The following LPAR1 variants were observed in gnomAD, a reference collection of about 807,000 sequenced individuals.
The protein encoded by LPAR1 is lysophosphatidic acid receptor 1.
Under a neutral mutation model 23.8 loss-of-function variants are expected in LPAR1, and 5 were observed. That is an observed-to-expected ratio of 0.21 (90% CI 0.11 to 0.44). LPAR1 has a LOEUF of 0.44. Among genes scored for constraint, LPAR1 ranks in the 20% least tolerant of loss-of-function variants. The pLI, the probability that LPAR1 is intolerant of heterozygous loss-of-function variation, is 0.99. For synonymous variants in LPAR1, 160 were observed against 164.7 expected, an observed-to-expected ratio of 0.97 and a Z score of 0.22; for missense variants, 311 against 482.8, an observed-to-expected ratio of 0.64 and a Z score of 3.33.
rs2078824757 is a variant in LPAR1, at chr9:110,875,352, G to A, written c.*69C>T. On this transcript the variant is annotated 3_prime_UTR_variant, in exon 6 of 6. Coordinates refer to ENST00000683809, the MANE Select transcript of LPAR1 (RefSeq NM_001351411.2). Reference sequence around the variant, plus strand: ...CTCTCTCACACCCCACCTTGCCCTGGCAATTGGGTAGGGGGAGGCTGTTTA... The same window carrying A: ...CTCTCTCACACCCCACCTTGCCCTGACAATTGGGTAGGGGGAGGCTGTTTA... 1.5e-6 allele frequency: 2 copies of A among 1,373,448 alleles called. No individual in the cohort carries two copies. The highest frequency in any genetic ancestry group is 2.0e-6 in the Non-Finnish European group (2 of 1,018,018). The allele number at this position is 1,373,448 out of a possible 1,614,324, so 85.1% of individuals were successfully genotyped here. A position where few individuals can be genotyped will look rare whatever the true frequency, so the allele number is the denominator to read the frequency against.
chr9:110,977,889 AAGGAAGGAAGGAAG>A (rs1472379251), intron 2 of LPAR1, among the ~76,000 whole-genome samples: 9 of 150,478 alleles, frequency 6.0e-5, no homozygotes, highest in Non-Finnish European at 1.2e-4. Flanking sequence ...GGAAGGAAGG[AAGGAAGGAAGGAAG>A]GAAGGAAAGA....
intron 2 of LPAR1, among the ~76,000 whole-genome samples, chr9:111,020,003 A>C (rs2097533127): frequency 6.6e-6 from 1 of 152,150 alleles, no homozygotes; most frequent in African/African-American, 2.4e-5. Flanking sequence ...GTTTGCTCAC[A>C]CAGCCTTTCC....
chr9:111,006,585 A>G (rs2097221631), intron 2 of LPAR1, among the ~76,000 whole-genome samples: 1 of 152,126 alleles, frequency 6.6e-6, no homozygotes, highest in Non-Finnish European at 1.5e-5. Flanking sequence ...AAAAATCCCA[A>G]ATAATTTGGG....
At chr9:110,930,556 A>G (rs2094342131) in intron 5 of LPAR1, among the ~76,000 whole-genome samples, 1 of 152,114 alleles carries the variant, frequency 6.6e-6, no homozygotes, top group Non-Finnish European at 1.5e-5. Context: ...CTTTCCTTAT[A>G]GGTCAGTAAC....
chr9:110,958,224 AC>A (rs1243405537), intron 4 of LPAR1, among the ~76,000 whole-genome samples: 1 of 152,204 alleles, frequency 6.6e-6, no homozygotes, highest in Non-Finnish European at 1.5e-5. Flanking sequence ...AATAGAAAAA[AC>A]AATCCCAAAA....
chr9:110,984,375 A>G (rs2139198548), intron 2 of LPAR1, among the ~76,000 whole-genome samples: 1 of 152,152 alleles, frequency 6.6e-6, no homozygotes, highest in Admixed American at 6.6e-5. Flanking sequence ...AGTGACCTCC[A>G]GTTCCATCCA....
Position 110,942,017 on chromosome 9 carries a change from G to A in LPAR1, c.197C>T (p.Ala66Val). ...GATTGCCACCATGACCAATAGGTTG[G>A]CCAACATGATGAAGATACAAACAGT... is the stretch of plus-strand genomic sequence containing the variant. ...GITVCIFIML[A>V]NLLVMVAIYV... is the part of the protein sequence containing the mutation. The change falls in exon 5 of 6, where the codon GCC becomes GTC. Residue 66 changes from alanine to valine, a missense_variant. Physicochemically the swap from Ala to Val is moderately conservative, Grantham distance 64 (BLOSUM62 0). Coordinates refer to ENST00000683809, the MANE Select transcript of LPAR1 (RefSeq NM_001351411.2). 6.2e-7 allele frequency: 1 copy of A among 1,614,172 alleles called. No homozygotes were observed. The highest frequency in any genetic ancestry group is 2.2e-5 in the East Asian group (1 of 44,876).
At chr9:110,882,840 C>T (rs181485280) in intron 5 of LPAR1, among the ~76,000 whole-genome samples, 2 of 152,184 alleles carry the variant, frequency 1.3e-5, no homozygotes, top group East Asian at 1.9e-4. Flanking sequence ...TAGATGATTG[C>T]CGTATTACTT....
At chr9:110,904,621 T>C (rs1461490966) in intron 5 of LPAR1, among the ~76,000 whole-genome samples, 1 of 152,240 alleles carries the variant, frequency 6.6e-6, no homozygotes, top group East Asian at 1.9e-4. Flanking sequence ...GACTAGGAGC[T>C]ACCTCATTCT....
intron 2 of LPAR1, among the ~76,000 whole-genome samples, chr9:110,979,474 T>C (rs772114348): frequency 6.6e-5 from 10 of 152,234 alleles, no homozygotes; most frequent in Admixed American, 1.3e-4. Context: ...CATAACTGTG[T>C]AGACTGTAAG....
At chr9:110,933,399 T>C (rs1443117923) in intron 5 of LPAR1, among the ~76,000 whole-genome samples, 1 of 152,172 alleles carries the variant, frequency 6.6e-6, no homozygotes, top group Non-Finnish European at 1.5e-5. Flanking sequence ...CTTGCTACCA[T>C]TAAGTGTCTT....
chr9:110,975,363 T>C (rs1335429213), intron 2 of LPAR1, among the ~76,000 whole-genome samples: 1 of 152,210 alleles, frequency 6.6e-6, no homozygotes, highest in African/African-American at 2.4e-5. Flanking sequence ...GAAAGGCCAC[T>C]GGATGCTGAG....
At chr9:111,003,137 T>C (rs541091460) in intron 2 of LPAR1, among the ~76,000 whole-genome samples, 6 of 152,346 alleles carry the variant, frequency 3.9e-5, no homozygotes, top group South Asian at 2.1e-4. Context: ...AGTTTTATTA[T>C]GATAGTTTGT....
chr9:110,880,206 G>A (rs2080351722), intron 5 of LPAR1, among the ~76,000 whole-genome samples: 1 of 152,150 alleles, frequency 6.6e-6, no homozygotes, highest in South Asian at 2.1e-4. Flanking sequence ...CCTCCCTGAT[G>A]CATCTGTCAA....
chr9:110,893,612 GA>G lies in LPAR1; in HGVS notation c.794-17891del, dbSNP rs1220959042. 9.2e-5 allele frequency among the ~76,000 whole-genome samples: 14 copies of G among 152,294 alleles called. No individual in the cohort carries two copies. The East Asian group carries it at 2.7e-3, about 29-fold the overall frequency. The stretch of plus-strand genomic sequence containing the variant: ...AACCAGAGGCAGTTGCATGGACTTT[GA>G]ATTTTAATGTAAACATTGTTTTTGT... On this transcript the variant is annotated intron_variant, in intron 5 of 5. Coordinates refer to ENST00000683809, the MANE Select transcript of LPAR1 (RefSeq NM_001351411.2).
At chr9:110,895,895 G>A (rs2086171459) in intron 5 of LPAR1, among the ~76,000 whole-genome samples, 1 of 152,182 alleles carries the variant, frequency 6.6e-6, no homozygotes, top group African/African-American at 2.4e-5. Flanking sequence ...CGTGAAGAAT[G>A]GAAAGACAGC....
intron 5 of LPAR1, among the ~76,000 whole-genome samples, chr9:110,882,209 A>G (rs755794755): frequency 6.6e-6 from 1 of 152,132 alleles, no homozygotes; most frequent in South Asian, 2.1e-4. Context: ...ATTGGTTTAC[A>G]TGTTTATTGT....
At chr9:110,952,018 C>T (rs993967847) in intron 4 of LPAR1, among the ~76,000 whole-genome samples, 5 of 152,198 alleles carry the variant, frequency 3.3e-5, no homozygotes, top group South Asian at 2.1e-4. Context: ...GAAGCCAAGA[C>T]GGCTGACTAG....
chr9:110,996,982 C>G (rs111455109), intron 2 of LPAR1, among the ~76,000 whole-genome samples: 2,287 of 152,294 alleles, frequency 0.015, 62 homozygotes, highest in African/African-American at 0.053. Flanking sequence ...CTTTTGGCCC[C>G]AAGCCCAAAT....
Sources: gnomAD v4.1 joint callset for allele counts (sites outside exome capture counted in the v4.1 genomes callset) on GRCh38, gnomAD v4.1.1 for gene constraint, MANE v1.5 for transcripts, NCBI Gene and HGNC (gene_info 2026-07-23, HGNC 2026-07-21) for gene names.